The following PHKG1 variants were observed in gnomAD, a reference collection of about 807,000 sequenced individuals.
PHKG1 encodes the protein phosphorylase b kinase gamma catalytic chain, skeletal muscle/heart isoform.
In PHKG1, 48 loss-of-function variants were observed where a neutral mutation model predicts 50.5. That is an observed-to-expected ratio of 0.95 (90% CI 0.75 to 1.21). The LOEUF (loss-of-function observed/expected upper bound fraction) is 1.21, where lower values mean the gene tolerates loss of function less well. Ranked by LOEUF, PHKG1 falls within the 50% of genes most tolerant of loss-of-function variation. The pLI, the probability that PHKG1 is intolerant of heterozygous loss-of-function variation, is 0.00. For missense variants in PHKG1, 487 were observed against 519.5 expected (o/e 0.94, Z 0.61); for synonymous variants, 204 against 212.8 (o/e 0.96, Z 0.36).
In PHKG1 at chr7:56,080,982, AC is replaced by A. The variant is rs1353624148; in HGVS notation, c.*71del. On this transcript the variant is annotated 3_prime_UTR_variant, in exon 10 of 10. Transcript: ENST00000297373. ...TTCTGCAGAGGCCTGCACGCATCTC[AC>A]CCCTTTGACTTGTATTTCCATGGCT... The A allele has an allele frequency of 3.2e-6, 5 of 1,565,412 alleles. No homozygotes were observed. In the East Asian group the frequency reaches 1.1e-4, roughly 35 times the overall value.
At chr7:56,083,509 C>A in intron 5 of PHKG1, 68 bp from the exon 6 acceptor site, 1 of 1,578,100 alleles carries the variant, frequency 6.3e-7, no homozygotes. Flanking sequence ...GGAGACACAG[C>A]TCACATTTCA....
chr7:56,081,713 CT>C lies in PHKG1; in HGVS notation c.834del (p.Ala279ArgfsTer29). The C allele has an allele frequency of 6.2e-7, 1 of 1,613,992 alleles. No individual in the cohort carries two copies. Among genetic ancestry groups the C allele is most frequent in the Non-Finnish European group, 8.5e-7 (1 of 1,179,958 alleles). ...FLVVQPQNRY[T>X]AEEALAHPFF... ...AAGGGGTGTGCCAAGGCCTCTTCCGCTGTGTAGCGGTTCTGGGGTTGCACCA... is the reference window on the plus strand; with the variant it reads ...AAGGGGTGTGCCAAGGCCTCTTCCGCGTGTAGCGGTTCTGGGGTTGCACCA... On this transcript the variant is annotated frameshift_variant, in exon 9 of 10. Coordinates refer to ENST00000297373, the MANE Select transcript of PHKG1 (RefSeq NM_006213.5). LOFTEE classifies it high-confidence loss of function. The surrounding 1 kb of genome is among the most constrained non-coding windows in gnomAD (Gnocchi z 4.6).
rs1222844861 is a variant in PHKG1, at chr7:56,080,913, C to T, written c.*141G>A. On this transcript the variant is annotated 3_prime_UTR_variant, in exon 10 of 10. Transcript: ENST00000297373. ...TTGTGCACAGCCTTTGAGAGGGGAT[C>T]GTGGCCTCAGTTCCAGGGGTTCCTG... is the stretch of plus-strand genomic sequence containing the variant. 5.4e-6 allele frequency: 5 copies of T among 925,972 alleles called. No homozygotes were observed. Among genetic ancestry groups the T allele is most frequent in the Middle Eastern group, 3.4e-4 (1 of 2,940 alleles). 57.4% of individuals were successfully genotyped at this position (925,972 alleles called of 1,614,324 possible).
chr7:56,087,554 T>C, intron 3 of PHKG1, 44 bp downstream of exon 3: 1 of 1,586,450 alleles, frequency 6.3e-7, no homozygotes, highest in Non-Finnish European at 8.6e-7. Context: ...CAGGGCAGAA[T>C]CACAGGGGGG....
At chr7:56,089,378 C>T (rs965368372) in intron 1 of PHKG1, among the ~76,000 whole-genome samples, 2 of 150,876 alleles carry the variant, frequency 1.3e-5, no homozygotes, top group Admixed American at 1.3e-4. Context: ...CCAGCCTGGG[C>T]GACACAGCCA....
rs1562875529 is a variant in PHKG1, at chr7:56,081,206, AG to A, written c.1011del (p.Tyr338MetfsTer22). 6.2e-7 allele frequency: 1 copy of A among 1,613,770 alleles called. No individual in the cohort carries two copies. The highest frequency in any genetic ancestry group is 2.2e-5 in the East Asian group (1 of 44,872). On this transcript the variant is annotated frameshift_variant, in exon 10 of 10. Coordinates refer to ENST00000297373, the MANE Select transcript of PHKG1 (RefSeq NM_006213.5). LOFTEE classifies it high-confidence loss of function. This position sits in a 1 kb window ranked among gnomAD's most constrained non-coding sequence, Gnocchi z 4.6. ...PVTREIVIRD[P>X]YALRPLRRLI... ...AGCCGGCGCAGAGGCCGGAGGGCAT[AG>A]GGGTCTCGGATGACGATCTCCCGGG...
At position 56,081,479 on chromosome 7, in the gene PHKG1, C is replaced by T; in HGVS notation, c.918+151G>A. ...CTCAGGGACCGAGCCAGTGGGCTGACACCTGCCGTCTTTGAAGCCATCACA... is the reference window on the plus strand; with the variant it reads ...CTCAGGGACCGAGCCAGTGGGCTGATACCTGCCGTCTTTGAAGCCATCACA... On this transcript the variant is annotated intron_variant, in intron 9 of 9. Coordinates refer to ENST00000297373, the MANE Select transcript of PHKG1 (RefSeq NM_006213.5). This position sits in a 1 kb window ranked among gnomAD's most constrained non-coding sequence, Gnocchi z 4.6. The T allele has an allele frequency of 1.6e-6, 2 of 1,218,736 alleles. No individual in the cohort carries two copies. The highest frequency in any genetic ancestry group is 2.3e-6 in the Non-Finnish European group (2 of 867,040). 75.5% of individuals were successfully genotyped at this position (1,218,736 alleles called of 1,614,324 possible). A position where few individuals can be genotyped will look rare whatever the true frequency, so the allele number is the denominator to read the frequency against.
rs1264916670 is a variant in PHKG1 at position 56,080,502 on chromosome 7, G to A, written c.*552C>T. On this transcript the variant is annotated 3_prime_UTR_variant, in exon 10 of 10. Transcript: ENST00000297373. Reference sequence around the variant, plus strand: ...TGGTCTCGAACTCCTGGCCTCAAGCGATCCTCCCACCTCGACCTCCCAAAG... The same window carrying A: ...TGGTCTCGAACTCCTGGCCTCAAGCAATCCTCCCACCTCGACCTCCCAAAG... 6.2e-6 allele frequency: 1 copy of A among 161,276 alleles called. No homozygotes were observed. Among genetic ancestry groups the A allele is most frequent in the Non-Finnish European group, 1.3e-5 (1 of 74,094 alleles). The allele number at this position is 161,276 out of a possible 1,614,324, so 10.0% of individuals were successfully genotyped here. A position where few individuals can be genotyped will look rare whatever the true frequency, so the allele number is the denominator to read the frequency against.
chr7:56,089,812 C>T (rs983810063), intron 1 of PHKG1, among the ~76,000 whole-genome samples: 9 of 152,102 alleles, frequency 5.9e-5, no homozygotes, highest in Non-Finnish European at 1.0e-4. Flanking sequence ...GCGTGAAACA[C>T]CATGCCAGGC....
intron 2 of PHKG1, among the ~76,000 whole-genome samples, chr7:56,088,013 T>TC (rs1177631119): frequency 1.4e-5 from 2 of 139,710 alleles, no homozygotes; most frequent in African/African-American, 2.7e-5. Flanking sequence ...TTTTTTTTTT[T>TC]CCTTTTTGAG....
chr7:56,081,572 G>T lies in PHKG1; in HGVS notation c.918+58C>A. The T allele has an allele frequency of 6.3e-7, 1 of 1,589,590 alleles. No homozygotes were observed. The highest frequency in any genetic ancestry group is 1.1e-5 in the South Asian group (1 of 90,082). ...GGGTGTAAGGACTCCTGGGAGAGGA[G>T]GGGGCTTAGAGGTTTGCACTTAGGG... On this transcript the variant is annotated intron_variant, in intron 9 of 9. Transcript: ENST00000297373. This position sits in a 1 kb window ranked among gnomAD's most constrained non-coding sequence, Gnocchi z 4.6.
chr7:56,092,051 C>G (rs536942098), intron 1 of PHKG1, among the ~76,000 whole-genome samples: 2 of 152,364 alleles, frequency 1.3e-5, no homozygotes, highest in South Asian at 4.1e-4. Flanking sequence ...ACACTTGGAC[C>G]CCCATATGAG....
rs1796487649 is a variant in PHKG1 at position 56,091,341 on chromosome 7, C to T, written c.-35+1495G>A. On this transcript the variant is annotated intron_variant, in intron 1 of 9. Transcript: ENST00000297373. ...ACCATCCTGGCTAACACGGTGAAACCCTGTTTCTACTAAAAAATACAAAAA... is the reference window on the plus strand; with the variant it reads ...ACCATCCTGGCTAACACGGTGAAACTCTGTTTCTACTAAAAAATACAAAAA... 1.3e-5 allele frequency among the ~76,000 whole-genome samples: 2 copies of T among 151,980 alleles called. 1 individual carries two copies. The highest frequency in any genetic ancestry group is 4.1e-4 in the South Asian group (2 of 4,826).
intron 4 of PHKG1, among the ~76,000 whole-genome samples, chr7:56,085,503 G>A (rs962337011): frequency 6.6e-6 from 1 of 152,178 alleles, no homozygotes; most frequent in Non-Finnish European, 1.5e-5. Context: ...GCCAAAGCAG[G>A]GGCATGATGA....
In PHKG1 at chr7:56,081,390, C is replaced by T. The variant is rs1441877879; in HGVS notation, c.919-91G>A. Reference sequence around the variant, plus strand: ...AGGGACGCTCTGGGCTCGTTTGCCACGAAGCCTTGGGTGGCTTCTGCGGGG... The same window carrying T: ...AGGGACGCTCTGGGCTCGTTTGCCATGAAGCCTTGGGTGGCTTCTGCGGGG... On this transcript the variant is annotated intron_variant, in intron 9 of 9. Transcript: ENST00000297373. The surrounding 1 kb of genome is among the most constrained non-coding windows in gnomAD (Gnocchi z 4.6). 217 of 1,478,524 alleles carry T rather than the reference C, an allele frequency of 1.5e-4. No individual in the cohort carries two copies. Among genetic ancestry groups the T allele is most frequent in the Middle Eastern group, 1.2e-3 (5 of 4,090 alleles). 91.6% of individuals were successfully genotyped at this position (1,478,524 alleles called of 1,614,324 possible).
At chr7:56,091,044 T>A (rs1205815945) in intron 1 of PHKG1, among the ~76,000 whole-genome samples, 1 of 151,860 alleles carries the variant, frequency 6.6e-6, no homozygotes, top group Admixed American at 6.6e-5. Flanking sequence ...AGACCCCATC[T>A]CCGCAAAAAA....
Position 56,081,540 on chromosome 7 carries a change from A to G in PHKG1, c.918+90T>C, listed in dbSNP as rs552849358. ...GAGGGGAGGGATGGGTACTCTGGAAATTCACGGGGTGTAAGGACTCCTGGG... is the reference window on the plus strand; with the variant it reads ...GAGGGGAGGGATGGGTACTCTGGAAGTTCACGGGGTGTAAGGACTCCTGGG... On this transcript the variant is annotated intron_variant, in intron 9 of 9. Coordinates refer to ENST00000297373, the MANE Select transcript of PHKG1 (RefSeq NM_006213.5). The surrounding 1 kb of genome is among the most constrained non-coding windows in gnomAD (Gnocchi z 4.6). 307 of 1,474,574 alleles carry G rather than the reference A, an allele frequency of 2.1e-4. 2 individuals are homozygous for G. In the South Asian group the frequency reaches 3.4e-3, roughly 16 times the overall value. The allele number at this position is 1,474,574 out of a possible 1,614,324, so 91.3% of individuals were successfully genotyped here. A position where few individuals can be genotyped will look rare whatever the true frequency, so the allele number is the denominator to read the frequency against.
intron 4 of PHKG1, among the ~76,000 whole-genome samples, chr7:56,084,871 C>G (rs1051476990): frequency 1.3e-5 from 2 of 152,166 alleles, no homozygotes; most frequent in African/African-American, 2.4e-5. Context: ...AATAGCTTCC[C>G]CCAGCAACTT....
At position 56,081,911 on chromosome 7, in the gene PHKG1, C is replaced by T. The variant is rs145703798; in HGVS notation, c.774G>A (p.Ser258=). 5.2e-5 allele frequency: 84 copies of T among 1,613,348 alleles called. No homozygotes were observed. The African/African-American group carries it at 6.9e-4, about 13-fold the overall frequency. The change falls in exon 8 of 10, where the codon TCG becomes TCA. Residue 258 remains serine (S), a synonymous_variant. Transcript: ENST00000297373. This position sits in a 1 kb window ranked among gnomAD's most constrained non-coding sequence, Gnocchi z 4.6. The part of the protein sequence containing the change: ...QFGSPEWDDY[S]DTVKDLVSRF... ...CTCTCACCAGGTCCTTCACGGTGTC[C>T]GAGTAATCATCCCACTCGGGCGAGC... is the stretch of plus-strand genomic sequence containing the variant.
Sources: gnomAD v4.1 joint callset for allele counts (sites outside exome capture counted in the v4.1 genomes callset) on GRCh38, gnomAD v4.1.1 for gene constraint, Gnocchi (gnomAD v3.1) non-coding constraint, MANE v1.5 for transcripts, NCBI Gene and HGNC (gene_info 2026-07-23, HGNC 2026-07-21) for gene names.